The following PTGER3 variants were observed in gnomAD, a reference collection of about 807,000 sequenced individuals.
PTGER3 encodes the protein prostaglandin E receptor 3.
In PTGER3, 22 loss-of-function variants were observed where a neutral mutation model predicts 34.7. That is an observed-to-expected ratio of 0.63 (90% CI 0.45 to 0.91). The LOEUF (loss-of-function observed/expected upper bound fraction) is 0.91. PTGER3 is among the 40% of genes least tolerant of loss of function. The pLI, the probability that PTGER3 is intolerant of heterozygous loss-of-function variation, is 0.00. For missense variants in PTGER3, 468 were observed against 519.4 expected, an observed-to-expected ratio of 0.90 and a Z score of 0.96; for synonymous variants, 241 against 230.1, an observed-to-expected ratio of 1.05 and a Z score of -0.43.
rs67754812 is a variant in PTGER3, at chr1:71,030,836, A to ATT, written c.897+15843_897+15844dup. Among the ~76,000 whole-genome samples, 115 of 150,704 alleles carry ATT rather than the reference A, an allele frequency of 7.6e-4. 1 individual carries two copies. The East Asian group carries it at 1.0e-2, about 13-fold the overall frequency. The stretch of plus-strand genomic sequence containing the variant: ...TTATCTGACCCAGACAATTTCAGTG[A>ATT]TTTTTTTTTTACTATTCTCAATCAA... On this transcript the variant is annotated intron_variant, in intron 1 of 3. Transcript: ENST00000306666.
intron 4 of PTGER3, among the ~76,000 whole-genome samples, chr1:70,877,281 A>G (rs1427311561): frequency 2.0e-5 from 3 of 152,118 alleles, no homozygotes; most frequent in Non-Finnish European, 4.4e-5. Flanking sequence ...TAGAAATGCT[A>G]CTGATTTCTG....
At chr1:70,866,321 T>C (rs1350311717) in intron 4 of PTGER3, among the ~76,000 whole-genome samples, 1 of 152,220 alleles carries the variant, frequency 6.6e-6, no homozygotes, top group East Asian at 1.9e-4. Context: ...CTTTCAGTTT[T>C]CCAAATAACC....
intron 4 of PTGER3, among the ~76,000 whole-genome samples, chr1:70,930,320 G>A (rs527428335): frequency 6.6e-6 from 1 of 152,122 alleles, no homozygotes; most frequent in Non-Finnish European, 1.5e-5. Flanking sequence ...ATTCCCTGCT[G>A]TTTTGTACAA....
chr1:70,981,383 CTTTCT>C (rs1557709137), intron 2 of PTGER3, among the ~76,000 whole-genome samples: 1,311 of 78,062 alleles, frequency 0.017, 18 homozygotes, highest in Middle Eastern at 0.041. Flanking sequence ...TTCTTTCTTT[CTTTCT>C]TTCTTTCCTT....
At chr1:70,885,829 G>A (rs1646486500) in intron 4 of PTGER3, among the ~76,000 whole-genome samples, 2 of 152,162 alleles carry the variant, frequency 1.3e-5, no homozygotes, top group Admixed American at 6.6e-5. Context: ...ATGGAGAGAG[G>A]AATAATGCCG....
chr1:70,916,652 T>A (rs1375121537), intron 4 of PTGER3, among the ~76,000 whole-genome samples: 4 of 152,026 alleles, frequency 2.6e-5, no homozygotes, highest in Admixed American at 2.6e-4. Context: ...ATACTATATG[T>A]TCTCACTTGT....
At chr1:71,029,058 C>T (rs1434864649) in intron 1 of PTGER3, among the ~76,000 whole-genome samples, 1 of 152,174 alleles carries the variant, frequency 6.6e-6, no homozygotes, top group Non-Finnish European at 1.5e-5. Flanking sequence ...AAACAAAAAA[C>T]AGGAACTGAT....
chr1:71,012,132 A>G, intron 2 of PTGER3, 173 bp downstream of exon 2: 22 of 1,520,316 alleles, frequency 1.4e-5, no homozygotes, highest in Non-Finnish European at 1.8e-5. Flanking sequence ...AAACAGTGGC[A>G]TGCCAGAGAT....
At chr1:70,862,195 C>T in intron 4 of PTGER3, 1 of 520,088 alleles carries the variant, frequency 1.9e-6, no homozygotes, top group Non-Finnish European at 2.8e-6. Flanking sequence ...TTTTTTCACC[C>T]ACTCCTGAAT....
chr1:71,037,591 C>T (rs571197534), intron 1 of PTGER3, among the ~76,000 whole-genome samples: 26 of 152,260 alleles, frequency 1.7e-4, no homozygotes, highest in Admixed American at 5.2e-4. Flanking sequence ...TAAGTTTTTA[C>T]GTATTTTCCC....
intron 2 of PTGER3, among the ~76,000 whole-genome samples, chr1:70,957,302 T>A (rs961418117): frequency 6.6e-6 from 1 of 152,202 alleles, no homozygotes; most frequent in Non-Finnish European, 1.5e-5. Context: ...AATCTGACTA[T>A]TCAAAGCAGT....
Position 71,025,283 on chromosome 1 carries a change from G to C in PTGER3, c.898-12799C>G, listed in dbSNP as rs536200995. ...TTCTTATCATTCATGATTTTAAGTG[G>C]AACGTTCTGGTGTTCAGATGACAGC... On this transcript the variant is annotated intron_variant, in intron 1 of 3. Coordinates refer to ENST00000306666, the MANE Select transcript of PTGER3 (RefSeq NM_198719.2). Among the ~76,000 whole-genome samples, 7 of 151,874 alleles carry C rather than the reference G, an allele frequency of 4.6e-5. 1 individual carries two copies. In the South Asian group the frequency reaches 1.5e-3, roughly 32 times the overall value.
At chr1:70,878,542 G>T (rs1646320518) in intron 4 of PTGER3, among the ~76,000 whole-genome samples, 1 of 151,926 alleles carries the variant, frequency 6.6e-6, no homozygotes, top group Admixed American at 6.6e-5. Context: ...TGTTTCTCTA[G>T]TTTCTCTAAT....
At chr1:70,983,253 C>G (rs924722470) in intron 2 of PTGER3, among the ~76,000 whole-genome samples, 4 of 148,848 alleles carry the variant, frequency 2.7e-5, no homozygotes, top group Non-Finnish European at 1.5e-5. Context: ...ATGAAGTCAC[C>G]CAGGATGTGC....
intron 1 of PTGER3, among the ~76,000 whole-genome samples, chr1:71,025,361 A>G (rs2100922040): frequency 6.6e-6 from 1 of 152,086 alleles, no homozygotes; most frequent in East Asian, 1.9e-4. Flanking sequence ...AAGGAGAACC[A>G]AGTATTTAAA....
At chr1:70,996,247 C>A (rs1191819756) in intron 2 of PTGER3, among the ~76,000 whole-genome samples, 1 of 151,900 alleles carries the variant, frequency 6.6e-6, no homozygotes, top group African/African-American at 2.4e-5. Flanking sequence ...TCTTTCTAAT[C>A]CTGTTAAGAA....
chr1:70,858,262 C>A (rs1645854467), intron 4 of PTGER3, among the ~76,000 whole-genome samples: 1 of 149,280 alleles, frequency 6.7e-6, no homozygotes. Flanking sequence ...TTTAGTATCA[C>A]CTATAGGAAG....
Position 71,008,703 on chromosome 1 carries a change from T to A in PTGER3, c.1077+3602A>T, listed in dbSNP as rs1200517502. The A allele has an allele frequency of 1.2e-5, 12 of 982,038 alleles. No individual in the cohort carries two copies. The South Asian group carries it at 4.7e-4, about 39-fold the overall frequency. The allele number at this position is 982,038 out of a possible 1,614,324, so 60.8% of individuals were successfully genotyped here. ...GCCACAGTTGCACAATTCTGCACAT[T>A]TTTTAGACCTCAGTTTTAACAGATT... On this transcript the variant is annotated intron_variant, in intron 2 of 3. Coordinates refer to ENST00000306666, the MANE Select transcript of PTGER3 (RefSeq NM_198719.2).
At chr1:71,011,439 C>A (rs1021144928) in intron 2 of PTGER3, 1 of 985,222 alleles carries the variant, frequency 1.0e-6, no homozygotes, top group Non-Finnish European at 1.2e-6. Flanking sequence ...GTGCTCAAAT[C>A]GGTCCTTACA....
Sources: allele counts gnomAD v4.1 joint callset (sites outside exome capture counted in the v4.1 genomes callset), GRCh38; gene constraint gnomAD v4.1.1; transcripts MANE v1.5; gene names NCBI Gene and HGNC (gene_info 2026-07-23, HGNC 2026-07-21).